NR2C1: variants seen among roughly 807,000 people sequenced by gnomAD.
The protein encoded by NR2C1 is TR2 nuclear hormone receptor.
Under a neutral mutation model 74.8 loss-of-function variants are expected in NR2C1, and 33 were observed. The observed-to-expected ratio is 0.44, with a 90% CI of 0.33 to 0.59. NR2C1 has a LOEUF of 0.59. NR2C1 is among the 20% of genes least tolerant of loss of function. The pLI, the probability that NR2C1 is intolerant of heterozygous loss-of-function variation, is 0.02. For synonymous variants in NR2C1, 225 were observed against 240.6 expected (o/e 0.94, Z 0.60); for missense variants, 568 against 715.6 (o/e 0.79, Z 2.35).
intron 2 of NR2C1, 170 bp from the exon 3 acceptor site, chr12:95,062,908 G>A (rs762731599): frequency 1.7e-4 from 103 of 611,378 alleles, no homozygotes; most frequent in South Asian, 8.4e-4. Flanking sequence ...AAACAAATGT[G>A]CAAACAAAGG....
At position 95,028,567 on chromosome 12, in the gene NR2C1, A is replaced by T. The variant is rs774159118; in HGVS notation, c.1394-43T>A. On this transcript the variant is annotated intron_variant, in intron 11 of 13. Coordinates refer to ENST00000333003, the MANE Select transcript of NR2C1 (RefSeq NM_003297.4). ...CAAATGCTTCTAGTGTTTGTCTAAAATGAACAACTACTTTCATCCAATATA... is the reference window on the plus strand; with the variant it reads ...CAAATGCTTCTAGTGTTTGTCTAAATTGAACAACTACTTTCATCCAATATA... 4.9e-5 allele frequency: 62 copies of T among 1,277,010 alleles called. No homozygotes were observed. The South Asian group carries it at 5.9e-4, about 12-fold the overall frequency. 79.1% of individuals were successfully genotyped at this position (1,277,010 alleles called of 1,614,324 possible).
At chr12:95,050,213 A>G (rs1454779140) in intron 8 of NR2C1, among the ~76,000 whole-genome samples, 7 of 152,110 alleles carry the variant, frequency 4.6e-5, no homozygotes, top group African/African-American at 1.7e-4. Flanking sequence ...AGTTCCCCAT[A>G]TTTTTCAATA....
intron 10 of NR2C1, among the ~76,000 whole-genome samples, chr12:95,039,456 C>T (rs1381991076): frequency 6.6e-6 from 1 of 152,136 alleles, no homozygotes; most frequent in Non-Finnish European, 1.5e-5. Context: ...TAAAAACTTT[C>T]TAACTTTGAA....
At chr12:95,028,271 A>C (rs1869619864) in intron 12 of NR2C1, 116 bp downstream of exon 12, 2 of 757,922 alleles carry the variant, frequency 2.6e-6, no homozygotes, top group Non-Finnish European at 4.2e-6. Flanking sequence ...AGAACTACTG[A>C]ACTCTTTTCC....
intron 3 of NR2C1, 49 bp downstream of exon 3, chr12:95,062,459 T>C: frequency 8.8e-7 from 1 of 1,138,174 alleles, no homozygotes; most frequent in Non-Finnish European, 1.2e-6. Flanking sequence ...ATGATTAAAA[T>C]TTTTTTTTTA....
chr12:95,051,683 G>A, intron 8 of NR2C1, 79 bp downstream of exon 8: 1 of 1,228,028 alleles, frequency 8.1e-7, no homozygotes. Context: ...TTTATAAATA[G>A]CATTTAACAT....
chr12:95,049,650 G>GATAT (rs58103595), intron 8 of NR2C1, among the ~76,000 whole-genome samples: 1,840 of 150,654 alleles, frequency 0.012, 30 homozygotes, highest in African/African-American at 0.043. Flanking sequence ...TTATATGTAT[G>GATAT]ATATATATAT....
chr12:95,023,689 G>A (rs1869021216), intron 13 of NR2C1, among the ~76,000 whole-genome samples: 1 of 152,182 alleles, frequency 6.6e-6, no homozygotes. Context: ...AGGTTTCTTA[G>A]GGTAAGACCC....
intron 12 of NR2C1, among the ~76,000 whole-genome samples, chr12:95,027,566 T>C (rs758972836): frequency 3.9e-5 from 6 of 152,024 alleles, no homozygotes; most frequent in Non-Finnish European, 7.4e-5. Context: ...GTGAAACTTG[T>C]CTCTACTAAA....
chr12:95,060,318 AGCTAATAAGATAC>A (rs1874599558), intron 3 of NR2C1, among the ~76,000 whole-genome samples: 1 of 152,236 alleles, frequency 6.6e-6, no homozygotes, highest in Admixed American at 6.5e-5. Flanking sequence ...CACTAGGCAC[AGCTAATAAGATAC>A]TGGCAAAGGA....
At chr12:95,031,898 T>TG (rs1370531459) in intron 10 of NR2C1, among the ~76,000 whole-genome samples, 2 of 152,222 alleles carry the variant, frequency 1.3e-5, no homozygotes, top group African/African-American at 4.8e-5. Flanking sequence ...GACAGAGTCT[T>TG]GCTCTGTTGC....
intron 2 of NR2C1, among the ~76,000 whole-genome samples, chr12:95,064,025 CAA>C (rs36124945): frequency 3.5e-4 from 24 of 69,474 alleles, no homozygotes; most frequent in East Asian, 1.3e-3. Context: ...GACTCTGCCT[CAA>C]AAAAAAAAAA....
chr12:95,030,014 T>C lies in NR2C1; in HGVS notation c.1393+1335A>G, dbSNP rs184741714. ...TCCTAAGTAGCTGGGACTATGACTATAGGCATGCGCTACCATGGCCAGCTA... is the reference window on the plus strand; with the variant it reads ...TCCTAAGTAGCTGGGACTATGACTACAGGCATGCGCTACCATGGCCAGCTA... On this transcript the variant is annotated intron_variant, in intron 11 of 13. Transcript: ENST00000333003. Among the ~76,000 whole-genome samples the C allele has an allele frequency of 3.9e-3, 588 of 152,262 alleles. 1 individual carries two copies. The highest frequency in any genetic ancestry group is 7.0e-3 in the Non-Finnish European group (478 of 68,032).
At chr12:95,024,743 G>C (rs1869147804) in intron 13 of NR2C1, among the ~76,000 whole-genome samples, 1 of 152,166 alleles carries the variant, frequency 6.6e-6, no homozygotes, top group East Asian at 1.9e-4. Flanking sequence ...GCTAATTTTT[G>C]TATTTTTTTG....
At chr12:95,064,357 G>A (rs902903034) in intron 2 of NR2C1, among the ~76,000 whole-genome samples, 2 of 149,370 alleles carry the variant, frequency 1.3e-5, no homozygotes, top group Non-Finnish European at 1.5e-5. Context: ...AAGTTCAGAA[G>A]TAAAATTAAG....
intron 3 of NR2C1, among the ~76,000 whole-genome samples, chr12:95,061,291 A>G (rs1874745912): frequency 6.6e-6 from 1 of 152,196 alleles, no homozygotes; most frequent in South Asian, 2.1e-4. Flanking sequence ...AAGTCTAAAC[A>G]CCTATAAACT....
intron 2 of NR2C1, chr12:95,067,114 T>G: frequency 1.8e-6 from 1 of 569,732 alleles, no homozygotes; most frequent in Non-Finnish European, 3.1e-6. Context: ...TCAATTTTCT[T>G]CTGTGCTCCC....
At chr12:95,052,759 G>C (rs554327488) in intron 7 of NR2C1, among the ~76,000 whole-genome samples, 1 of 152,234 alleles carries the variant, frequency 6.6e-6, no homozygotes, top group Non-Finnish European at 1.5e-5. Flanking sequence ...AACTTGTATG[G>C]AATATGAAGA....
At chr12:95,025,762 A>G (rs1869289123) in intron 12 of NR2C1, among the ~76,000 whole-genome samples, 1 of 150,358 alleles carries the variant, frequency 6.7e-6, no homozygotes, top group Non-Finnish European at 1.5e-5. Context: ...ATTTAAAATT[A>G]TTTTTTATCT....
Sources: allele counts gnomAD v4.1 joint callset (sites outside exome capture counted in the v4.1 genomes callset), GRCh38; gene constraint gnomAD v4.1.1; transcripts MANE v1.5; gene names NCBI Gene and HGNC (gene_info 2026-07-23, HGNC 2026-07-21).